APMAP: variants seen among roughly 807,000 people sequenced by gnomAD.
The protein encoded by APMAP is adipocyte plasma membrane associated protein.
In APMAP, 33 loss-of-function variants were observed where a neutral mutation model predicts 43.6. That is an observed-to-expected ratio of 0.76 (90% CI 0.57 to 1.01). The LOEUF is 1.01. Among genes scored for constraint, APMAP ranks in the 50% least tolerant of loss-of-function variants. APMAP has a pLI of 0.00. For missense variants in APMAP, 498 were observed against 540.7 expected (o/e 0.92, Z 0.78); for synonymous variants, 224 against 216.7 (o/e 1.03, Z -0.30).
chr20:24,970,353 A>G lies in APMAP; in HGVS notation c.557T>C (p.Leu186Pro). 1.2e-6 allele frequency: 2 copies of G among 1,611,736 alleles called. No individual in the cohort carries two copies. The highest frequency in any genetic ancestry group is 1.7e-6 in the Non-Finnish European group (2 of 1,178,656). The change falls in exon 6 of 9, where the codon CTG becomes CCG. Residue 186 changes from leucine to proline, a missense_variant. Physicochemically the swap from Leu to Pro is moderately conservative, Grantham distance 98. Transcript: ENST00000217456. ...CCCCTCAATGGGTGTCTCGGAGGAC[A>G]GCAGCAGTTTCACTTCACCTGAAGT... The part of the protein sequence containing the change: ...NPWKREVKLL[L>P]SSETPIEGKN...
chr20:24,988,248 A>C (rs1568818630), intron 1 of APMAP, among the ~76,000 whole-genome samples: 1 of 152,214 alleles, frequency 6.6e-6, no homozygotes, highest in East Asian at 1.9e-4. Context: ...ATTCTACCTA[A>C]GGCAGATTTT....
At chr20:24,990,677 T>C (rs2088184126) in intron 1 of APMAP, among the ~76,000 whole-genome samples, 1 of 152,236 alleles carries the variant, frequency 6.6e-6, no homozygotes, top group Admixed American at 6.5e-5. Context: ...CTGGCTTATG[T>C]TGAACCCTCG....
intron 6 of APMAP, among the ~76,000 whole-genome samples, chr20:24,969,980 C>T (rs994999452): frequency 3.3e-5 from 5 of 152,244 alleles, no homozygotes; most frequent in African/African-American, 9.6e-5. Context: ...CACCCTCAGA[C>T]GGACTGGCCT....
intron 3 of APMAP, among the ~76,000 whole-genome samples, chr20:24,976,507 T>C (rs979290930): frequency 6.6e-6 from 1 of 152,002 alleles, no homozygotes; most frequent in African/African-American, 2.4e-5. Flanking sequence ...ATACACCTAT[T>C]AAAAGGGCCA....
chr20:24,969,207 T>G, intron 7 of APMAP, 123 bp from the exon 8 acceptor site: 1 of 1,052,922 alleles, frequency 9.5e-7, no homozygotes, highest in Non-Finnish European at 1.3e-6. Flanking sequence ...ATGACCATCA[T>G]GAACAAAGGC....
At chr20:24,992,530 CA>C in intron 1 of APMAP, 63 bp downstream of exon 1, 1 of 1,366,798 alleles carries the variant, frequency 7.3e-7, no homozygotes, top group Non-Finnish European at 9.7e-7. Context: ...CGCCGCTGTC[CA>C]AGAGGGTCGC....
intron 2 of APMAP, 41 bp from the exon 3 acceptor site, chr20:24,978,923 A>G (rs1274778451): frequency 2.0e-6 from 3 of 1,501,556 alleles, no homozygotes; most frequent in East Asian, 2.3e-5. Flanking sequence ...CTATAAATAC[A>G]CATGTGAAGA....
At chr20:24,976,230 T>C (rs553888376) in intron 3 of APMAP, among the ~76,000 whole-genome samples, 1 of 152,296 alleles carries the variant, frequency 6.6e-6, no homozygotes, top group Non-Finnish European at 1.5e-5. Flanking sequence ...ACTCTTGCTC[T>C]ACAGAAGATA....
chr20:24,971,218 G>C (rs1223914986), intron 5 of APMAP, among the ~76,000 whole-genome samples: 1 of 152,138 alleles, frequency 6.6e-6, no homozygotes, highest in Non-Finnish European at 1.5e-5. Context: ...AGACCCTGTG[G>C]CTAAAATATA....
Position 24,992,574 on chromosome 20 carries a change from A to T in APMAP, c.95+20T>A, listed in dbSNP as rs1293727200. On this transcript the variant is annotated intron_variant, in intron 1 of 8. Transcript: ENST00000217456. Reference sequence around the variant, plus strand: ...TCCTAGCGGCCCGGCTCCAGCGCCCAGTCTGGGAGTCCGCCCTACCTGCCG... The same window carrying T: ...TCCTAGCGGCCCGGCTCCAGCGCCCTGTCTGGGAGTCCGCCCTACCTGCCG... 14 of 1,483,260 alleles carry T rather than the reference A, an allele frequency of 9.4e-6. No individual in the cohort carries two copies. Among genetic ancestry groups the T allele is most frequent in the Non-Finnish European group, 1.3e-5 (14 of 1,106,540 alleles). 91.9% of individuals were successfully genotyped at this position (1,483,260 alleles called of 1,614,324 possible).
chr20:24,976,590 G>A (rs2088051818), intron 3 of APMAP, among the ~76,000 whole-genome samples: 1 of 152,196 alleles, frequency 6.6e-6, no homozygotes, highest in Non-Finnish European at 1.5e-5. Flanking sequence ...AATTGTTAAT[G>A]GGAAGGCAAA....
At chr20:24,974,688 G>C (rs559829987) in intron 3 of APMAP, among the ~76,000 whole-genome samples, 1 of 152,296 alleles carries the variant, frequency 6.6e-6, no homozygotes, top group Admixed American at 6.5e-5. Context: ...AAGCAACCCA[G>C]AATAGCTGTA....
chr20:24,987,158 T>C (rs2088154641), intron 1 of APMAP, among the ~76,000 whole-genome samples: 1 of 152,190 alleles, frequency 6.6e-6, no homozygotes, highest in African/African-American at 2.4e-5. Flanking sequence ...GGTCTCAGTA[T>C]GTCAACCAGG....
At position 24,963,919 on chromosome 20, in the gene APMAP, C is replaced by A. The variant is rs1490215251; in HGVS notation, c.1145G>T (p.Gly382Val). 1.9e-6 allele frequency: 3 copies of A among 1,614,214 alleles called. No homozygotes were observed. The highest frequency in any genetic ancestry group is 2.5e-6 in the Non-Finnish European group (3 of 1,180,032). ...AFRRSLHDPD[G>V]LVATYISEVH... ...CTCGCTGATGTAGGTGGCCACCAGCCCATCGGGATCATGCAGGCTTCTCCG... is the reference window on the plus strand; with the variant it reads ...CTCGCTGATGTAGGTGGCCACCAGCACATCGGGATCATGCAGGCTTCTCCG... Residue 382 changes from glycine to valine, a missense_variant, in exon 9 of 9, where the codon GGG becomes GTG. Transcript: ENST00000217456.
At chr20:24,983,826 C>A in intron 2 of APMAP, 77 bp downstream of exon 2, 1 of 1,018,326 alleles carries the variant, frequency 9.8e-7, no homozygotes, top group South Asian at 1.6e-5. Flanking sequence ...ATTTAATCAC[C>A]CTCCTTTCCT....
intron 1 of APMAP, among the ~76,000 whole-genome samples, chr20:24,986,308 C>A (rs1015418619): frequency 6.6e-6 from 1 of 152,128 alleles, no homozygotes; most frequent in Non-Finnish European, 1.5e-5. Context: ...CAGTCCTTAC[C>A]CCTTTTATTA....
intron 1 of APMAP, among the ~76,000 whole-genome samples, chr20:24,990,887 CAAG>C (rs534716344): frequency 1.1e-3 from 171 of 152,266 alleles, no homozygotes; most frequent in African/African-American, 3.8e-3. Context: ...GATAAACAAA[CAAG>C]AAGGACAAAC....
At chr20:24,964,460 T>C (rs993096530) in intron 8 of APMAP, 6 of 471,834 alleles carry the variant, frequency 1.3e-5, no homozygotes, top group African/African-American at 8.0e-5. Flanking sequence ...GTGCAAATGA[T>C]GGAGATTTGA....
chr20:24,963,865 A>G lies in APMAP; in HGVS notation c.1199T>C (p.Leu400Pro). Residue 400 changes from leucine to proline, a missense_variant, in exon 9 of 9, where the codon CTG (leucine) becomes CCG (proline). Physicochemically the swap from Leu to Pro is moderately conservative, Grantham distance 98 (BLOSUM62 -3). Coordinates refer to ENST00000217456, the MANE Select transcript of APMAP (RefSeq NM_020531.3). The part of the protein sequence containing the change: ...EVHEHDGHLY[L>P]GSFRSPFLCR... Reference sequence around the variant, plus strand: ...GAGGAAGGGGGACCTGAAAGAGCCCAGGTACAGGTGCCCATCGTGTTCGTG... The same window carrying G: ...GAGGAAGGGGGACCTGAAAGAGCCCGGGTACAGGTGCCCATCGTGTTCGTG... The G allele has an allele frequency of 6.2e-7, 1 of 1,614,226 alleles. No individual in the cohort carries two copies. The highest frequency in any genetic ancestry group is 8.5e-7 in the Non-Finnish European group (1 of 1,180,036).
Sources: gnomAD v4.1 joint callset for allele counts (sites outside exome capture counted in the v4.1 genomes callset) on GRCh38, gnomAD v4.1.1 for gene constraint, MANE v1.5 for transcripts, NCBI Gene and HGNC (gene_info 2026-07-23, HGNC 2026-07-21) for gene names.